CAMK2G: variants seen among roughly 807,000 people sequenced by gnomAD.
CAMK2G encodes the protein calcium/calmodulin-dependent protein kinase type II subunit gamma.
In CAMK2G, 23 loss-of-function variants were observed where a neutral mutation model predicts 88.7. The ratio of observed to expected loss-of-function variants is 0.26; its 90% confidence interval spans 0.19 to 0.37. The LOEUF (loss-of-function observed/expected upper bound fraction) is 0.37. CAMK2G is among the 10% of genes least tolerant of loss of function. The pLI is 1.00. For missense variants in CAMK2G, 476 were observed against 780.8 expected, an observed-to-expected ratio of 0.61 and a Z score of 4.65; for synonymous variants, 263 against 294.8, an observed-to-expected ratio of 0.89 and a Z score of 1.11.
intron 3 of CAMK2G, among the ~76,000 whole-genome samples, chr10:73,853,878 A>G (rs1245932067): frequency 6.6e-6 from 1 of 152,236 alleles, no homozygotes; most frequent in Non-Finnish European, 1.5e-5. Context: ...AGCACCTACT[A>G]TGTGCTGGAC....
intron 10 of CAMK2G, chr10:73,846,267 C>T (rs1316319075): frequency 6.6e-6 from 1 of 152,216 alleles, no homozygotes; most frequent in Non-Finnish European, 1.5e-5. Context: ...GACAACCAAA[C>T]AACTCAACAT....
Position 73,819,521 on chromosome 10 carries a change from C to T in CAMK2G, c.1363+11G>A. 2.0e-6 allele frequency: 3 copies of T among 1,533,856 alleles called. No individual in the cohort carries two copies. The highest frequency in any genetic ancestry group is 2.6e-6 in the Non-Finnish European group (3 of 1,132,434). On this transcript the variant is annotated intron_variant, in intron 19 of 22. Coordinates refer to ENST00000423381, the MANE Select transcript of CAMK2G (RefSeq NM_001367534.1). ...GAGACGGAAGCCAGAATGTGCCTCC[C>T]TCACACTTACTGGCTGAGGAGCAGA... is the stretch of plus-strand genomic sequence containing the variant.
chr10:73,873,514 G>A (rs1360601771), intron 1 of CAMK2G: 1 of 1,008,986 alleles, frequency 9.9e-7, no homozygotes, highest in Non-Finnish European at 1.2e-6. Context: ...TAAAAAGAGG[G>A]TATCATCCCC....
At chr10:73,832,603 C>T (rs1306222418) in intron 14 of CAMK2G, among the ~76,000 whole-genome samples, 1 of 152,166 alleles carries the variant, frequency 6.6e-6, no homozygotes, top group Non-Finnish European at 1.5e-5. Context: ...CCGTGCCTGG[C>T]TTGTCTGTAC....
rs2084774259 is a variant in CAMK2G at position 73,814,340 on chromosome 10, C to T, written c.*178G>A. On this transcript the variant is annotated 3_prime_UTR_variant, in exon 23 of 23. Transcript: ENST00000423381. ...CACCTCGGTACAGCAGAGACAGACA[C>T]GAAGGGCGGGCGGGAGGGCTGCATG... 1.8e-5 allele frequency: 2 copies of T among 108,508 alleles called. No homozygotes were observed. The highest frequency in any genetic ancestry group is 3.6e-5 in the African/African-American group (1 of 27,616). 6.7% of individuals were successfully genotyped at this position (108,508 alleles called of 1,614,324 possible).
chr10:73,840,630 C>T (rs2093698325), intron 12 of CAMK2G, among the ~76,000 whole-genome samples: 1 of 152,326 alleles, frequency 6.6e-6, no homozygotes, highest in East Asian at 1.9e-4. Flanking sequence ...TCCTAACACC[C>T]GATTTCCTGA....
intron 15 of CAMK2G, 130 bp from the exon 16 acceptor site, chr10:73,825,477 T>G: frequency 2.8e-6 from 2 of 705,584 alleles, no homozygotes; most frequent in East Asian, 2.5e-5. Flanking sequence ...CATAACGCTG[T>G]GTAGATGGGA....
At chr10:73,868,801 CG>C in intron 2 of CAMK2G, among the ~76,000 whole-genome samples, 1 of 152,204 alleles carries the variant, frequency 6.6e-6, no homozygotes, top group South Asian at 2.1e-4. Context: ...ACTAAGGGGG[CG>C]GGGACTCTCA....
intron 5 of CAMK2G, 107 bp downstream of exon 5, chr10:73,852,147 C>T: frequency 1.2e-6 from 1 of 824,158 alleles, no homozygotes; most frequent in African/African-American, 1.7e-5. Context: ...TCTGATCTTC[C>T]CCAAAGACTA....
intron 19 of CAMK2G, chr10:73,817,890 C>G: frequency 3.0e-6 from 1 of 331,576 alleles, no homozygotes; most frequent in East Asian, 5.3e-5. Context: ...TGAGCCCCTC[C>G]CCTGTATGAG....
intron 15 of CAMK2G, among the ~76,000 whole-genome samples, chr10:73,827,273 G>T (rs1421626752): frequency 2.0e-5 from 3 of 152,240 alleles, no homozygotes; most frequent in African/African-American, 4.8e-5. Flanking sequence ...TGCAAGCTCC[G>T]CCTCCTGGGT....
chr10:73,819,933 G>C (rs2087285789), intron 18 of CAMK2G, among the ~76,000 whole-genome samples: 1 of 152,210 alleles, frequency 6.6e-6, no homozygotes, highest in African/African-American at 2.4e-5. Flanking sequence ...TCCCGGGGAA[G>C]ATGTTCCAGG....
rs1434001309 is a variant in CAMK2G at position 73,839,273 on chromosome 10, C to G, written c.1009+266G>C. Among the ~76,000 whole-genome samples the G allele has an allele frequency of 6.6e-6, 1 of 152,244 alleles. No homozygotes were observed. The highest frequency in any genetic ancestry group is 2.4e-5 in the African/African-American group (1 of 41,470). ...TGCAGCCCTCCCAGGGCATCGGGCT[C>G]TTGGCAAGGCTCCCGCTGCCCAGCT... On this transcript the variant is annotated intron_variant, in intron 13 of 22. Transcript: ENST00000423381. This position sits in a 1 kb window ranked among gnomAD's most constrained non-coding sequence, Gnocchi z 4.2.
At chr10:73,859,983 C>A (rs1243397777) in intron 3 of CAMK2G, among the ~76,000 whole-genome samples, 1 of 152,232 alleles carries the variant, frequency 6.6e-6, no homozygotes, top group African/African-American at 2.4e-5. Context: ...CTGAGGAGCA[C>A]AGAACACGTG....
At chr10:73,874,171 G>C (rs932839679) in intron 1 of CAMK2G, among the ~76,000 whole-genome samples, 11 of 150,204 alleles carry the variant, frequency 7.3e-5, no homozygotes, top group African/African-American at 2.7e-4. Flanking sequence ...CGGTGTCCGC[G>C]GCGGCGCGTG....
At chr10:73,853,724 C>T (rs72814369) in intron 3 of CAMK2G, among the ~76,000 whole-genome samples, 70 of 152,308 alleles carry the variant, frequency 4.6e-4, no homozygotes, top group Admixed American at 2.5e-3. Flanking sequence ...CAGGAAGGCA[C>T]GTGGTGCAGG....
intron 2 of CAMK2G, among the ~76,000 whole-genome samples, chr10:73,869,080 C>A (rs1362603145): frequency 6.6e-6 from 1 of 152,194 alleles, no homozygotes; most frequent in Non-Finnish European, 1.5e-5. Context: ...GAGGGCATGG[C>A]AAGAGCAACT....
At chr10:73,853,402 C>T (rs1248118757) in intron 3 of CAMK2G, among the ~76,000 whole-genome samples, 156 bp from the exon 4 acceptor site, 1 of 152,222 alleles carries the variant, frequency 6.6e-6, no homozygotes, top group Non-Finnish European at 1.5e-5. Context: ...CAGTGCCCCC[C>T]AGTGCAAGGC....
chr10:73,825,367 G>A lies in CAMK2G; in HGVS notation c.1087-20C>T, dbSNP rs1450676321. 1.2e-6 allele frequency: 2 copies of A among 1,605,110 alleles called. No individual in the cohort carries two copies. The highest frequency in any genetic ancestry group is 4.5e-5 in the East Asian group (2 of 44,862). ...CTGTGGCTGAGACAAGAAAACAGAT[G>A]GTTTAGTTCCTCCAGAGTCCCCAAG... On this transcript the variant is annotated intron_variant, in intron 15 of 22. Coordinates refer to ENST00000423381, the MANE Select transcript of CAMK2G (RefSeq NM_001367534.1).
Sources: allele counts gnomAD v4.1 joint callset (sites outside exome capture counted in the v4.1 genomes callset), GRCh38; gene constraint gnomAD v4.1.1; non-coding constraint Gnocchi (gnomAD v3.1); transcripts MANE v1.5; gene names NCBI Gene and HGNC (gene_info 2026-07-23, HGNC 2026-07-21).